ACTR1B: variants seen among roughly 807,000 people sequenced by gnomAD.
ACTR1B encodes the protein actin related protein 1B.
ACTR1B carries 34 observed loss-of-function variants against 49.4 expected under a neutral mutation model. The observed-to-expected ratio is 0.69, with a 90% confidence interval of 0.52 to 0.92. ACTR1B has a LOEUF of 0.92. Among genes scored for constraint, ACTR1B ranks in the 40% least tolerant of loss-of-function variants. The pLI is 0.00. For missense variants in ACTR1B, 471 were observed against 522.4 expected (o/e 0.90, Z 0.96); for synonymous variants, 207 against 207.8 (o/e 1.00, Z 0.03).
In ACTR1B at chr2:97,656,769, G is replaced by T; in HGVS notation, c.*89C>A. ...GTTCAGGGCATGCAGGGGACCCTAA[G>T]CCTAGTATACGAGCCAAGACCAAAA... On this transcript the variant is annotated 3_prime_UTR_variant, in exon 11 of 11. Coordinates refer to ENST00000289228, the MANE Select transcript of ACTR1B (RefSeq NM_005735.4). 9.0e-7 allele frequency: 1 copy of T among 1,110,932 alleles called. No individual in the cohort carries two copies. 68.8% of individuals were successfully genotyped at this position (1,110,932 alleles called of 1,614,324 possible).
intron 10 of ACTR1B, 49 bp from the exon 11 acceptor site, chr2:97,657,009 C>A (rs539608287): frequency 6.3e-7 from 1 of 1,574,936 alleles, no homozygotes; most frequent in South Asian, 1.1e-5. Context: ...AGGGAGCCAA[C>A]CACCTTCCTG....
rs1674985321 is a variant in ACTR1B at position 97,660,582 on chromosome 2, G to A, written c.178C>T (p.Pro60Ser). The change falls in exon 3 of 11, where the codon CCA (proline) becomes TCA (serine). Residue 60 changes from proline (P) to serine (S), a missense_variant. Physicochemically the swap from Pro to Ser is moderately conservative, Grantham distance 74. Transcript: ENST00000289228. ...GALEGDLFIG[P>S]KAEEHRGLLT... ...CTCCTCGGTGTTACCTCTGCTTTTG[G>A]TCCGATGAAGAGGTCCCCCTCCAGG... 1.2e-6 allele frequency: 2 copies of A among 1,614,104 alleles called. No homozygotes were observed. Among genetic ancestry groups the A allele is most frequent in the Non-Finnish European group, 1.7e-6 (2 of 1,179,996 alleles).
intron 2 of ACTR1B, among the ~76,000 whole-genome samples, chr2:97,661,348 G>A (rs1559290463): frequency 2.6e-5 from 4 of 152,212 alleles, no homozygotes; most frequent in Admixed American, 2.0e-4. Flanking sequence ...TGCCCCTAAG[G>A]GCAACTTTCC....
rs971022944 is a variant in ACTR1B at position 97,662,016 on chromosome 2, G to C, written c.49-70C>G. 2.1e-5 allele frequency: 32 copies of C among 1,497,874 alleles called. 1 individual carries two copies. In the South Asian group the frequency reaches 3.1e-4, roughly 15 times the overall value. 92.8% of individuals were successfully genotyped at this position (1,497,874 alleles called of 1,614,324 possible). On this transcript the variant is annotated intron_variant, in intron 1 of 10. Coordinates refer to ENST00000289228, the MANE Select transcript of ACTR1B (RefSeq NM_005735.4). ...TGAAGCCAGTCCCCCGCAATGGAGA[G>C]AGCTGGCTGCCCCGTCAAGGCAGGC...
intron 1 of ACTR1B, among the ~76,000 whole-genome samples, chr2:97,662,789 T>G (rs555902714): frequency 1.6e-3 from 244 of 152,212 alleles, no homozygotes; most frequent in Admixed American, 2.7e-3. Flanking sequence ...GCCTGTTGAT[T>G]AGCCTATACG....
chr2:97,663,947 G>T lies in ACTR1B; in HGVS notation c.-57C>A. The T allele has an allele frequency of 2.1e-6, 2 of 975,116 alleles. No individual in the cohort carries two copies. The highest frequency in any genetic ancestry group is 1.3e-6 in the Non-Finnish European group (1 of 741,410). The allele number at this position is 975,116 out of a possible 1,614,324, so 60.4% of individuals were successfully genotyped here. A position where few individuals can be genotyped will look rare whatever the true frequency, so the allele number is the denominator to read the frequency against. On this transcript the variant is annotated 5_prime_UTR_variant, in exon 1 of 11. Transcript: ENST00000289228. ...GGGCTGCAGGAGGCACCGGATGGGC[G>T]GGCGGGCGGGAGGACCGGGACGGCG...
chr2:97,660,217 C>A (rs1674975185), intron 3 of ACTR1B, among the ~76,000 whole-genome samples: 1 of 152,252 alleles, frequency 6.6e-6, no homozygotes, highest in Non-Finnish European at 1.5e-5. Context: ...TCTGATCAGG[C>A]CATGCAGCCC....
intron 3 of ACTR1B, among the ~76,000 whole-genome samples, chr2:97,660,120 C>G (rs923579843): frequency 1.3e-5 from 2 of 152,146 alleles, no homozygotes; most frequent in Admixed American, 1.3e-4. Context: ...CCCCGGCACC[C>G]GACACAATGC....
chr2:97,657,471 C>T lies in ACTR1B; in HGVS notation c.964G>A (p.Ala322Thr), dbSNP rs1251148226. 1.2e-6 allele frequency: 2 copies of T among 1,614,134 alleles called. No homozygotes were observed. Among genetic ancestry groups the T allele is most frequent in the Admixed American group, 1.7e-5 (1 of 60,012 alleles). Reference sequence around the variant, plus strand: ...ACCTTGATTTTGATATCCTTTGGGGCAAGCTTCTTCACTTCACTGAGTAAT... The same window carrying T: ...ACCTTGATTTTGATATCCTTTGGGGTAAGCTTCTTCACTTCACTGAGTAAT... ...DRLLSEVKKLAPKDIKIKISA... is the reference protein window; with the variant it reads ...DRLLSEVKKLTPKDIKIKISA... The change falls in exon 9 of 11, where the codon GCC (alanine) becomes ACC (threonine). Residue 322 changes from alanine to threonine, a missense_variant. Transcript: ENST00000289228.
intron 3 of ACTR1B, among the ~76,000 whole-genome samples, chr2:97,660,078 C>G (rs1674971185): frequency 6.6e-6 from 1 of 152,182 alleles, no homozygotes; most frequent in Admixed American, 6.5e-5. Context: ...CAGGCCTCCC[C>G]TTTCTGGGCC....
intron 1 of ACTR1B, among the ~76,000 whole-genome samples, chr2:97,662,592 C>T (rs1375951770): frequency 6.6e-6 from 1 of 152,080 alleles, no homozygotes; most frequent in African/African-American, 2.4e-5. Flanking sequence ...GGAAGCTGGA[C>T]TTAAGGATCC....
At position 97,659,824 on chromosome 2, in the gene ACTR1B, C is replaced by T. The variant is rs561044159; in HGVS notation, c.190-347G>A. ...CTGCCAGCTCCCCTCTGGCCAGCGC[C>T]GGCACCTTGCAGCCGCCCAACACGG... is the stretch of plus-strand genomic sequence containing the variant. On this transcript the variant is annotated intron_variant, in intron 3 of 10. Coordinates refer to ENST00000289228, the MANE Select transcript of ACTR1B (RefSeq NM_005735.4). The surrounding 1 kb of genome is among the most constrained non-coding windows in gnomAD (Gnocchi z 4.0). The T allele has an allele frequency of 4.0e-5, 14 of 351,680 alleles. No homozygotes were observed. Among genetic ancestry groups the T allele is most frequent in the Admixed American group, 2.1e-4 (5 of 23,414 alleles). The allele number at this position is 351,680 out of a possible 1,614,324, so 21.8% of individuals were successfully genotyped here.
chr2:97,663,817 C>A, intron 1 of ACTR1B, 26 bp downstream of exon 1: 1 of 1,369,756 alleles, frequency 7.3e-7, no homozygotes, highest in South Asian at 1.5e-5. Flanking sequence ...GGGGCGCCCG[C>A]CCTCCCCCTG....
chr2:97,659,152 A>T lies in ACTR1B; in HGVS notation c.316-149T>A. On this transcript the variant is annotated intron_variant, in intron 4 of 10. Coordinates refer to ENST00000289228, the MANE Select transcript of ACTR1B (RefSeq NM_005735.4). This position sits in a 1 kb window ranked among gnomAD's most constrained non-coding sequence, Gnocchi z 4.0. ...CCCATCCCTTTATCTGCTGGCAGTTACTCTTCCGGAGATCCGGCTCTCTTT... is the reference window on the plus strand; with the variant it reads ...CCCATCCCTTTATCTGCTGGCAGTTTCTCTTCCGGAGATCCGGCTCTCTTT... The T allele has an allele frequency of 6.9e-7, 1 of 1,450,194 alleles. No individual in the cohort carries two copies. Among genetic ancestry groups the T allele is most frequent in the Non-Finnish European group, 9.4e-7 (1 of 1,062,784 alleles). 89.8% of individuals were successfully genotyped at this position (1,450,194 alleles called of 1,614,324 possible).
At position 97,663,777 on chromosome 2, in the gene ACTR1B, C is replaced by T. The variant is rs1344495042; in HGVS notation, c.48+66G>A. 7.9e-6 allele frequency: 9 copies of T among 1,143,038 alleles called. No individual in the cohort carries two copies. The Admixed American group carries it at 2.8e-4, about 35-fold the overall frequency. 70.8% of individuals were successfully genotyped at this position (1,143,038 alleles called of 1,614,324 possible). A position where few individuals can be genotyped will look rare whatever the true frequency, so the allele number is the denominator to read the frequency against. ...CGCGCCGAGGCGGGCGGGGGTCTCT[C>T]CCTGCGCCGCCGCGTGCGCCCCCGG... On this transcript the variant is annotated intron_variant, in intron 1 of 10. Transcript: ENST00000289228.
In ACTR1B at chr2:97,656,827, C is replaced by G. The variant is rs11547232; in HGVS notation, c.*31G>C. On this transcript the variant is annotated 3_prime_UTR_variant, in exon 11 of 11. Transcript: ENST00000289228. ...AAGGCTCTGTCTCCCCTCCCTCCCCCTCTCCCAACATGCCCCGCCCTCCTT... is the reference window on the plus strand; with the variant it reads ...AAGGCTCTGTCTCCCCTCCCTCCCCGTCTCCCAACATGCCCCGCCCTCCTT... 1.0e-5 allele frequency: 16 copies of G among 1,532,904 alleles called. No homozygotes were observed. The highest frequency in any genetic ancestry group is 3.4e-4 in the Middle Eastern group (2 of 5,860). The allele number at this position is 1,532,904 out of a possible 1,614,324, so 95.0% of individuals were successfully genotyped here.
Position 97,659,100 on chromosome 2 carries a change from G to A in ACTR1B, c.316-97C>T. The A allele has an allele frequency of 4.4e-6, 7 of 1,574,888 alleles. No homozygotes were observed. The highest frequency in any genetic ancestry group is 1.2e-5 in the South Asian group (1 of 86,934). On this transcript the variant is annotated intron_variant, in intron 4 of 10. Transcript: ENST00000289228. This position sits in a 1 kb window ranked among gnomAD's most constrained non-coding sequence, Gnocchi z 4.0. The stretch of plus-strand genomic sequence containing the variant: ...AACCACACCCGCTGGCGCACAGGCA[G>A]CTCAGCCTCCTACCCCTCCTGAGGG...
At chr2:97,657,250 A>C in intron 9 of ACTR1B, 58 bp from the exon 10 acceptor site, 2 of 1,597,174 alleles carry the variant, frequency 1.3e-6, no homozygotes, top group Non-Finnish European at 1.7e-6. Flanking sequence ...CCATCCTCCC[A>C]GCCTTGGGGT....
rs914922059 is a variant in ACTR1B at position 97,659,829 on chromosome 2, C to A, written c.190-352G>T. 4.6e-5 allele frequency: 16 copies of A among 347,448 alleles called. No homozygotes were observed. Among genetic ancestry groups the A allele is most frequent in the Non-Finnish European group, 8.0e-5 (15 of 186,794 alleles). 21.5% of individuals were successfully genotyped at this position (347,448 alleles called of 1,614,324 possible). On this transcript the variant is annotated intron_variant, in intron 3 of 10. Transcript: ENST00000289228. This position sits in a 1 kb window ranked among gnomAD's most constrained non-coding sequence, Gnocchi z 4.0. ...AGCTCCCCTCTGGCCAGCGCCGGCA[C>A]CTTGCAGCCGCCCAACACGGCCCCT...
Sources: allele counts gnomAD v4.1 joint callset (sites outside exome capture counted in the v4.1 genomes callset), GRCh38; gene constraint gnomAD v4.1.1; non-coding constraint Gnocchi (gnomAD v3.1); transcripts MANE v1.5; gene names NCBI Gene and HGNC (gene_info 2026-07-23, HGNC 2026-07-21).